COQ8A: variants seen among roughly 807,000 people sequenced by gnomAD.
The protein encoded by COQ8A is coenzyme Q8A.
COQ8A carries 51 observed loss-of-function variants against 65.0 expected under a neutral mutation model. The observed-to-expected ratio is 0.78, with a 90% CI of 0.63 to 0.99. The LOEUF is 0.99. COQ8A is among the 50% of genes least tolerant of loss of function. COQ8A has a pLI of 0.00. For missense variants in COQ8A, 940 were observed against 875.0 expected, an observed-to-expected ratio of 1.07 and a Z score of -0.94; for synonymous variants, 371 against 353.2, an observed-to-expected ratio of 1.05 and a Z score of -0.57.
chr1:226,945,742 GC>G (rs1656998036), intron 1 of COQ8A, among the ~76,000 whole-genome samples: 1 of 152,226 alleles, frequency 6.6e-6, no homozygotes, highest in Non-Finnish European at 1.5e-5. Context: ...AGGAACAGCT[GC>G]CTGCTGGCTT....
rs1190712859 is a variant in COQ8A at position 226,984,578 on chromosome 1, A to C, written c.1429A>C (p.Arg477=). 4 of 1,614,050 alleles carry C rather than the reference A, an allele frequency of 2.5e-6. No individual in the cohort carries two copies. The Middle Eastern group carries it at 4.9e-4, about 200-fold the overall frequency. The change falls in exon 12 of 15, where the codon AGG becomes CGG. Residue 477 remains arginine (R), a synonymous_variant. Transcript: ENST00000366777. ...ICYNILVLCL[R]ELFEFHFMQT... is the part of the protein sequence containing the mutation. ...CTACAACATCCTGGTTCTGTGCCTGAGGGAGCTGTTCGAGTTCCACTTCAT... is the reference window on the plus strand; with the variant it reads ...CTACAACATCCTGGTTCTGTGCCTGCGGGAGCTGTTCGAGTTCCACTTCAT...
chr1:226,965,577 G>T, intron 3 of COQ8A, 94 bp from the exon 4 acceptor site: 2 of 1,523,226 alleles, frequency 1.3e-6, no homozygotes, highest in South Asian at 2.3e-5. Context: ...GCTGACTGTG[G>T]GGTGGAGAGG....
rs1002771562 is a variant in COQ8A, at chr1:226,949,613, G to T, written c.-10+9214G>T. ...AAATAAACCACACTGGTCCTCCCCA[G>T]CCCAGCCTTCCTCCCAACTCAGGTA... On this transcript the variant is annotated intron_variant, in intron 1 of 14. Transcript: ENST00000366777. This position sits in a 1 kb window ranked among gnomAD's most constrained non-coding sequence, Gnocchi z 4.0. 2.6e-5 allele frequency among the ~76,000 whole-genome samples: 4 copies of T among 152,136 alleles called. No homozygotes were observed. Among genetic ancestry groups the T allele is most frequent in the African/African-American group, 9.7e-5 (4 of 41,430 alleles).
intron 1 of COQ8A, among the ~76,000 whole-genome samples, chr1:226,958,593 G>A (rs1354589099): frequency 1.3e-5 from 2 of 152,202 alleles, no homozygotes; most frequent in African/African-American, 4.8e-5. Flanking sequence ...CCAGAGCCCT[G>A]GGAGAGGTCA....
At chr1:226,950,061 A>G (rs1049704129) in intron 1 of COQ8A, among the ~76,000 whole-genome samples, 5 of 152,264 alleles carry the variant, frequency 3.3e-5, no homozygotes, top group Non-Finnish European at 5.9e-5. Context: ...CTAAATTGCC[A>G]TCAGGACCTT....
At chr1:226,945,422 T>C in intron 1 of COQ8A, among the ~76,000 whole-genome samples, 1 of 152,230 alleles carries the variant, frequency 6.6e-6, no homozygotes, top group East Asian at 1.9e-4. Context: ...GCTCAGAGCC[T>C]GGGCCCCAGC....
chr1:226,948,245 T>G lies in COQ8A; in HGVS notation c.-10+7846T>G, dbSNP rs1299655660. Among the ~76,000 whole-genome samples, 3 of 152,236 alleles carry G rather than the reference T, an allele frequency of 2.0e-5. No homozygotes were observed. The East Asian group carries it at 5.8e-4, about 29-fold the overall frequency. On this transcript the variant is annotated intron_variant, in intron 1 of 14. Transcript: ENST00000366777. ...CCCTTGCCTTTTCCAGCCTAGAGGC[T>G]GCCTGCATTCCTTGGCTTGTGGCCT...
At position 226,982,961 on chromosome 1, in the gene COQ8A, TCGCCGC is replaced by T; in HGVS notation, c.1011_1016del (p.Ala338_Ala339del). ...TTGGAATACTTCGAGGAGCGGCCCT[TCGCCGC>T]CGCATCCATTGGGCAGGTGCACTTG... On this transcript the variant is annotated inframe_deletion, in exon 8 of 15. Coordinates refer to ENST00000366777, the MANE Select transcript of COQ8A (RefSeq NM_020247.5). 1 of 1,604,998 alleles carries T rather than the reference TCGCCGC, an allele frequency of 6.2e-7. No homozygotes were observed. The highest frequency in any genetic ancestry group is 8.5e-7 in the Non-Finnish European group (1 of 1,176,548).
At chr1:226,943,575 T>C (rs2147995187) in intron 1 of COQ8A, among the ~76,000 whole-genome samples, 1 of 152,342 alleles carries the variant, frequency 6.6e-6, no homozygotes, top group African/African-American at 2.4e-5. Flanking sequence ...ACTACCTGAC[T>C]GGATATATGG....
intron 10 of COQ8A, 95 bp downstream of exon 10, chr1:226,983,949 G>A: frequency 6.5e-7 from 1 of 1,547,196 alleles, no homozygotes. Context: ...GCTCTGAGGG[G>A]CAGAGGGCTG....
chr1:226,974,990 A>G (rs1659106868), intron 4 of COQ8A: 3 of 152,202 alleles, frequency 2.0e-5, no homozygotes, highest in African/African-American at 7.2e-5. Context: ...ATCTCCGGTA[A>G]CCTGTGGATC....
At chr1:226,962,522 C>T (rs551853734) in intron 2 of COQ8A, among the ~76,000 whole-genome samples, 1 of 152,182 alleles carries the variant, frequency 6.6e-6, no homozygotes, top group Non-Finnish European at 1.5e-5. Flanking sequence ...TGCGCGTGTG[C>T]ACCTGTGTGT....
At position 226,986,635 on chromosome 1, in the gene COQ8A, G is replaced by T; in HGVS notation, c.1842G>T (p.Gly614=). 1 of 1,614,004 alleles carries T rather than the reference G, an allele frequency of 6.2e-7. No homozygotes were observed. The highest frequency in any genetic ancestry group is 8.5e-7 in the Non-Finnish European group (1 of 1,180,016). Residue 614 remains glycine, a synonymous_variant, in exon 15 of 15, where the codon GGG becomes GGT. Coordinates refer to ENST00000366777, the MANE Select transcript of COQ8A (RefSeq NM_020247.5). ...EETYSLHRKM[G]GSFLICSKLK... ...CCTACTCCCTGCACAGGAAGATGGG[G>T]GGCTCCTTCCTCATCTGCTCCAAGC...
In COQ8A at chr1:226,984,195, T is replaced by C. The variant is rs928509224; in HGVS notation, c.1358T>C (p.Leu453Pro). 7 of 1,613,648 alleles carry C rather than the reference T, an allele frequency of 4.3e-6. No individual in the cohort carries two copies. The highest frequency in any genetic ancestry group is 2.7e-5 in the African/African-American group (2 of 74,928). The change falls in exon 11 of 15, where the codon CTG becomes CCG. Residue 453 changes from leucine (L) to proline (P), a missense_variant. Physicochemically the swap from Leu to Pro is moderately conservative, Grantham distance 98. Transcript: ENST00000366777. ...LTTELVSGFP[L>P]DQAEGLSQEI... Reference sequence around the variant, plus strand: ...ACAGAGCTGGTGTCTGGCTTCCCCCTGGACCAGGCCGAAGGGCTCAGCCAG... The same window carrying C: ...ACAGAGCTGGTGTCTGGCTTCCCCCCGGACCAGGCCGAAGGGCTCAGCCAG...
At chr1:226,978,286 T>C (rs1338513787) in intron 5 of COQ8A, among the ~76,000 whole-genome samples, 2 of 109,254 alleles carry the variant, frequency 1.8e-5, no homozygotes, top group African/African-American at 6.7e-5. Flanking sequence ...CCCGCACACC[T>C]CCTTACACAC....
At chr1:226,971,348 C>T (rs554905818) in intron 4 of COQ8A, among the ~76,000 whole-genome samples, 13 of 152,058 alleles carry the variant, frequency 8.5e-5, no homozygotes, top group African/African-American at 3.1e-4. Context: ...GTCAAGAGAT[C>T]GAGACGATCC....
chr1:226,960,411 G>GTGATGGTA (rs1558187445), intron 1 of COQ8A, among the ~76,000 whole-genome samples: 8 of 138,760 alleles, frequency 5.8e-5, no homozygotes, highest in Non-Finnish European at 6.5e-5. Flanking sequence ...CTTGGTGGTG[G>GTGATGGTA]CGGTGGTACT....
At position 226,946,849 on chromosome 1, in the gene COQ8A, G is replaced by A. The variant is rs1220845010; in HGVS notation, c.-10+6450G>A. ...TGGTGTTGAGTGTGGCAAGACTGAG[G>A]GCCGTGTGCCCGATGGCTCCTCCTA... On this transcript the variant is annotated intron_variant, in intron 1 of 14. Coordinates refer to ENST00000366777, the MANE Select transcript of COQ8A (RefSeq NM_020247.5). The surrounding 1 kb of genome is among the most constrained non-coding windows in gnomAD (Gnocchi z 5.3). 1.3e-5 allele frequency among the ~76,000 whole-genome samples: 2 copies of A among 152,222 alleles called. No homozygotes were observed. Among genetic ancestry groups the A allele is most frequent in the Non-Finnish European group, 2.9e-5 (2 of 68,038 alleles).
chr1:226,985,404 A>G, intron 14 of COQ8A, 64 bp downstream of exon 14: 1 of 1,577,956 alleles, frequency 6.3e-7, no homozygotes. Context: ...CTGTGTAAGA[A>G]TGGATGAAAG....
Sources: gnomAD v4.1 joint callset for allele counts (sites outside exome capture counted in the v4.1 genomes callset) on GRCh38, gnomAD v4.1.1 for gene constraint, Gnocchi (gnomAD v3.1) non-coding constraint, MANE v1.5 for transcripts, NCBI Gene and HGNC (gene_info 2026-07-23, HGNC 2026-07-21) for gene names.